Variants in CHST12 observed in about 807,000 individuals in gnomAD.
CHST12 encodes carbohydrate (chondroitin 4) sulfotransferase 12.
A neutral mutation model predicts 27.9 loss-of-function variants in CHST12; 23 were observed. The ratio of observed to expected loss-of-function variants is 0.82; its 90% CI spans 0.59 to 1.17. The LOEUF (loss-of-function observed/expected upper bound fraction) is 1.17. CHST12 is among the 50% of genes most tolerant of loss of function. The probability of loss-of-function intolerance (pLI) is 0.00; values close to 1 mark genes in which losing one functional copy is unlikely to be tolerated. For missense variants in CHST12, 682 were observed against 603.0 expected, an observed-to-expected ratio of 1.13 and a Z score of -1.37; for synonymous variants, 322 against 273.0, an observed-to-expected ratio of 1.18 and a Z score of -1.77.
chr7:2,406,891 C>T (rs1464840960), intron 1 of CHST12, among the ~76,000 whole-genome samples: 1 of 151,902 alleles, frequency 6.6e-6, no homozygotes, highest in African/African-American at 2.4e-5. Context: ...AGAGAGCGTG[C>T]AGGAAGGAGC....
At chr7:2,408,882 C>A (rs1781593836) in intron 1 of CHST12, among the ~76,000 whole-genome samples, 1 of 152,114 alleles carries the variant, frequency 6.6e-6, no homozygotes, top group South Asian at 2.1e-4. Context: ...ATGTCCTGAC[C>A]CCAGCTGGTC....
At chr7:2,414,107 A>G (rs1323243563) in intron 1 of CHST12, among the ~76,000 whole-genome samples, 3 of 151,870 alleles carry the variant, frequency 2.0e-5, no homozygotes, top group Non-Finnish European at 4.4e-5. Context: ...GACTATTTGT[A>G]TCTCTTCTTT....
rs1235273790 is a variant in CHST12 at position 2,440,376 on chromosome 7, AGT to A, written c.*6496_*6497del. On this transcript the variant is annotated 3_prime_UTR_variant, in exon 2 of 2. Transcript: ENST00000618655. ...GAGTGCATGTGCAAGTGTGCGTGCA[AGT>A]GTGAGTCTGCACTTGTGTGCAAGAG... 1.3e-5 allele frequency: 2 copies of A among 154,014 alleles called. No homozygotes were observed. Among genetic ancestry groups the A allele is most frequent in the Non-Finnish European group, 2.9e-5 (2 of 68,226 alleles). 9.5% of individuals were successfully genotyped at this position (154,014 alleles called of 1,614,324 possible). A position where few individuals can be genotyped will look rare whatever the true frequency, so the allele number is the denominator to read the frequency against.
In CHST12 at chr7:2,436,175, T is replaced by G. The variant is rs1039877995; in HGVS notation, c.*2291T>G. 2 of 152,236 alleles carry G rather than the reference T, an allele frequency of 1.3e-5. No individual in the cohort carries two copies. Among genetic ancestry groups the G allele is most frequent in the African/African-American group, 4.8e-5 (2 of 41,456 alleles). 9.4% of individuals were successfully genotyped at this position (152,236 alleles called of 1,614,324 possible). A position where few individuals can be genotyped will look rare whatever the true frequency, so the allele number is the denominator to read the frequency against. On this transcript the variant is annotated 3_prime_UTR_variant, in exon 2 of 2. Coordinates refer to ENST00000618655, the MANE Select transcript of CHST12 (RefSeq NM_018641.5). The stretch of plus-strand genomic sequence containing the variant: ...TTAAACGTACCATCTTAACCATTGT[T>G]AAGTGCACTGTTGTGTGGCATTAAG...
At chr7:2,406,888 G>C (rs540408515) in intron 1 of CHST12, among the ~76,000 whole-genome samples, 10 of 152,094 alleles carry the variant, frequency 6.6e-5, no homozygotes, top group Admixed American at 2.6e-4. Context: ...ACCAGAGAGC[G>C]TGCAGGAAGG....
chr7:2,423,939 C>G (rs528874365), intron 1 of CHST12, among the ~76,000 whole-genome samples: 1 of 151,844 alleles, frequency 6.6e-6, no homozygotes, highest in Non-Finnish European at 1.5e-5. Flanking sequence ...TGGTGGCACA[C>G]GCCTATGGTC....
Position 2,436,995 on chromosome 7 carries a change from A to G in CHST12, c.*3111A>G, listed in dbSNP as rs1782490263. 6.6e-6 allele frequency: 1 copy of G among 152,202 alleles called. No homozygotes were observed. The highest frequency in any genetic ancestry group is 1.5e-5 in the Non-Finnish European group (1 of 68,066). 9.4% of individuals were successfully genotyped at this position (152,202 alleles called of 1,614,324 possible). ...AGAGAGGGAGGTGTGAGCGGGGAGA[A>G]CCCACTTTGATTCTTCGCTGTTTGC... is the stretch of plus-strand genomic sequence containing the variant. On this transcript the variant is annotated 3_prime_UTR_variant, in exon 2 of 2. Transcript: ENST00000618655.
rs1554282401 is a variant in CHST12 at position 2,434,118 on chromosome 7, C to CCGCCCGCG, written c.*241_*242insGCGCCCGC. The CCGCCCGCG allele has an allele frequency of 2.8e-6, 1 of 353,426 alleles. No individual in the cohort carries two copies. The highest frequency in any genetic ancestry group is 2.9e-5 in the African/African-American group (1 of 34,804). The allele number at this position is 353,426 out of a possible 1,614,324, so 21.9% of individuals were successfully genotyped here. ...CTCTCCCCTCCGCCCGCCCACCCGC[C>CCGCCCGCG]CGCCCGCTCGCCCGCTCGCCCGCTC... On this transcript the variant is annotated 3_prime_UTR_variant, in exon 2 of 2. Transcript: ENST00000618655.
chr7:2,419,883 C>T (rs1364215977), intron 1 of CHST12, among the ~76,000 whole-genome samples: 3 of 151,668 alleles, frequency 2.0e-5, no homozygotes. Flanking sequence ...CCCTCCCCTG[C>T]CCCCACAACC....
chr7:2,431,328 T>C lies in CHST12; in HGVS notation c.-77-1235T>C, dbSNP rs575615190. On this transcript the variant is annotated intron_variant, in intron 1 of 1. Coordinates refer to ENST00000618655, the MANE Select transcript of CHST12 (RefSeq NM_018641.5). Reference sequence around the variant, plus strand: ...CACTCCTGCTTTCTTTTCATTAATATTTGCATGATTAATGTTTTCCATTCC... The same window carrying C: ...CACTCCTGCTTTCTTTTCATTAATACTTGCATGATTAATGTTTTCCATTCC... Among the ~76,000 whole-genome samples, 22 of 152,314 alleles carry C rather than the reference T, an allele frequency of 1.4e-4. No individual in the cohort carries two copies. The East Asian group carries it at 4.1e-3, about 28-fold the overall frequency.
At chr7:2,429,018 A>G (rs551565263) in intron 1 of CHST12, among the ~76,000 whole-genome samples, 3 of 152,298 alleles carry the variant, frequency 2.0e-5, no homozygotes, top group Non-Finnish European at 2.9e-5. Context: ...GTCGCATTCC[A>G]TTCCCAGAGC....
At chr7:2,429,635 TCTAGGTTG>T (rs1409471821) in intron 1 of CHST12, among the ~76,000 whole-genome samples, 1 of 152,202 alleles carries the variant, frequency 6.6e-6, no homozygotes, top group African/African-American at 2.4e-5. Context: ...GTCTGTTTCA[TCTAGGTTG>T]CTAAATTTGT....
At position 2,433,178 on chromosome 7, in the gene CHST12, G is replaced by A. The variant is rs935402722; in HGVS notation, c.539G>A (p.Arg180His). ...AAGGTGGCCTGCACCAACTGGAAGC[G>A]CGTGATGATCGTGCTGAGCGGAAGC... Reference protein sequence around the residue: ...VPKVACTNWKRVMIVLSGSLL... With the variant: ...VPKVACTNWKHVMIVLSGSLL... Residue 180 changes from arginine (R) to histidine (H), a missense_variant, in exon 2 of 2, where the codon CGC becomes CAC. Transcript: ENST00000618655. This position sits in a 1 kb window ranked among gnomAD's most constrained non-coding sequence, Gnocchi z 6.1. The A allele has an allele frequency of 2.5e-6, 4 of 1,613,052 alleles. No individual in the cohort carries two copies. Among genetic ancestry groups the A allele is most frequent in the African/African-American group, 2.7e-5 (2 of 75,010 alleles).
chr7:2,415,145 A>G (rs1259785579), intron 1 of CHST12, among the ~76,000 whole-genome samples: 1 of 152,186 alleles, frequency 6.6e-6, no homozygotes, highest in African/African-American at 2.4e-5. Context: ...CGGGTGGATC[A>G]CCTGAGGTCA....
intron 1 of CHST12, among the ~76,000 whole-genome samples, chr7:2,414,687 A>G (rs1016951541): frequency 2.0e-5 from 3 of 152,194 alleles, no homozygotes; most frequent in Non-Finnish European, 4.4e-5. Flanking sequence ...TGGTATCCCA[A>G]CAAATCTTTG....
intron 1 of CHST12, among the ~76,000 whole-genome samples, chr7:2,406,047 C>T (rs920058158): frequency 3.0e-4 from 46 of 151,992 alleles, no homozygotes; most frequent in African/African-American, 1.1e-3. Context: ...GCTGAAGGAG[C>T]CATCAGTGGG....
chr7:2,418,099 T>C (rs2115406269), intron 1 of CHST12, among the ~76,000 whole-genome samples: 1 of 152,350 alleles, frequency 6.6e-6, no homozygotes, highest in Middle Eastern at 3.4e-3. Flanking sequence ...TCTCTAGTGT[T>C]TTGCCCACAG....
intron 1 of CHST12, 72 bp from the exon 2 acceptor site, chr7:2,432,491 C>T (rs924539894): frequency 8.7e-6 from 8 of 917,716 alleles, no homozygotes; most frequent in African/African-American, 1.7e-5. Context: ...CCCAGTCCCC[C>T]ACTGATCAGA....
In CHST12 at chr7:2,437,706, G is replaced by A. The variant is rs1782504245; in HGVS notation, c.*3822G>A. 6.7e-6 allele frequency: 1 copy of A among 148,734 alleles called. No homozygotes were observed. Among genetic ancestry groups the A allele is most frequent in the South Asian group, 2.1e-4 (1 of 4,700 alleles). The allele number at this position is 148,734 out of a possible 1,614,324, so 9.2% of individuals were successfully genotyped here. A position where few individuals can be genotyped will look rare whatever the true frequency, so the allele number is the denominator to read the frequency against. On this transcript the variant is annotated 3_prime_UTR_variant, in exon 2 of 2. Coordinates refer to ENST00000618655, the MANE Select transcript of CHST12 (RefSeq NM_018641.5). The stretch of plus-strand genomic sequence containing the variant: ...GCTTTAACCTAGCTCTGCCACTTAG[G>A]AATCAGAACACACACACACACGCGC...
Sources: gnomAD v4.1 joint callset for allele counts (sites outside exome capture counted in the v4.1 genomes callset) on GRCh38, gnomAD v4.1.1 for gene constraint, Gnocchi (gnomAD v3.1) non-coding constraint, MANE v1.5 for transcripts, NCBI Gene and HGNC (gene_info 2026-07-23, HGNC 2026-07-21) for gene names.